TMPRSS6: variants seen among roughly 807,000 people sequenced by gnomAD.
The protein encoded by TMPRSS6 is transmembrane serine protease 6, also known as transmembrane protease serine 6.
TMPRSS6 carries 67 observed loss-of-function variants against 101.5 expected under a neutral mutation model. That is an observed-to-expected ratio of 0.66 (90% CI 0.54 to 0.81). The LOEUF is 0.81. Among genes scored for constraint, TMPRSS6 ranks in the 30% least tolerant of loss-of-function variants. The pLI is 0.00. For synonymous variants in TMPRSS6, 453 were observed against 464.9 expected (o/e 0.97, Z 0.33); for missense variants, 1,034 against 1,088.7 (o/e 0.95, Z 0.71).
intron 10 of TMPRSS6, among the ~76,000 whole-genome samples, chr22:37,078,650 T>G (rs1927885072): frequency 6.6e-6 from 1 of 151,486 alleles, no homozygotes; most frequent in Non-Finnish European, 1.5e-5. Flanking sequence ...TAATTTCACA[T>G]AATAATCCAG....
Position 37,071,097 on chromosome 22 carries a change from A to T in TMPRSS6, c.1556-65T>A. ...TCTCTGAGCCCCAAGGAAACCTTCC[A>T]AAGTGGGGTGCAGGAACGATGGAGC... On this transcript the variant is annotated intron_variant, in intron 13 of 17. Coordinates refer to ENST00000676104, the MANE Select transcript of TMPRSS6 (RefSeq NM_001374504.1). The T allele has an allele frequency of 2.1e-6, 3 of 1,458,662 alleles. No homozygotes were observed. The South Asian group carries it at 3.4e-5, about 17-fold the overall frequency. The allele number at this position is 1,458,662 out of a possible 1,614,324, so 90.4% of individuals were successfully genotyped here. A position where few individuals can be genotyped will look rare whatever the true frequency, so the allele number is the denominator to read the frequency against.
At position 37,086,323 on chromosome 22, in the gene TMPRSS6, G is replaced by A. The variant is rs141319169; in HGVS notation, c.933C>T (p.Tyr311=). Residue 311 remains tyrosine, a synonymous_variant, in exon 8 of 18, where the codon TAC becomes TAT. Transcript: ENST00000676104. ...GCTGCACGGAGAGCACGAAGGGGTC[G>A]TAGTAGCTGTGCAGGCCCTTCTTCC... The part of the protein sequence containing the change: ...VVWKKGLHSY[Y]DPFVLSVQPV... 1.7e-4 allele frequency: 277 copies of A among 1,614,124 alleles called. 2 individuals are homozygous for A. The highest frequency in any genetic ancestry group is 2.8e-4 in the African/African-American group (21 of 75,028).
rs1352597391 is a variant in TMPRSS6 at position 37,095,590 on chromosome 22, C to CT, written c.591dup (p.Ala198SerfsTer33). 2.5e-6 allele frequency: 4 copies of CT among 1,604,976 alleles called. No individual in the cohort carries two copies. Among genetic ancestry groups the CT allele is most frequent in the Non-Finnish European group, 3.4e-6 (4 of 1,176,742 alleles). On this transcript the variant is annotated frameshift_variant and splice_region_variant, in exon 6 of 18. Coordinates refer to ENST00000676104, the MANE Select transcript of TMPRSS6 (RefSeq NM_001374504.1). LOFTEE classifies it high-confidence loss of function. ...AATGCAGCTATGTCTTTCACACTGG[C>CT]TTCTGATAAAAGGAAATGAACAAAC...
At chr22:37,072,339 TGATGGATG>T (rs1247055865) in intron 13 of TMPRSS6, among the ~76,000 whole-genome samples, 3 of 129,530 alleles carry the variant, frequency 2.3e-5, no homozygotes, top group South Asian at 2.6e-4. Flanking sequence ...AATGGATGGA[TGATGGATG>T]GATGGATGGA....
At chr22:37,082,876 AG>A (rs1928377197) in intron 10 of TMPRSS6, 15 of 439,096 alleles carry the variant, frequency 3.4e-5, no homozygotes, top group South Asian at 2.0e-4. Flanking sequence ...TTTTAATCCT[AG>A]TCCCAGATAA....
chr22:37,072,759 AGATGGATGATGGATG>A (rs1927209412), intron 13 of TMPRSS6, among the ~76,000 whole-genome samples: 1 of 58,880 alleles, frequency 1.7e-5, no homozygotes, highest in Non-Finnish European at 3.5e-5. Context: ...ATGGATGGAT[AGATGGATGATGGATG>A]GATGGATGAT....
chr22:37,103,701 C>T lies in TMPRSS6; in HGVS notation c.-1-283G>A, dbSNP rs1049945724. 26 of 1,033,060 alleles carry T rather than the reference C, an allele frequency of 2.5e-5. No homozygotes were observed. The highest frequency in any genetic ancestry group is 7.7e-5 in the Admixed American group (4 of 52,092). The allele number at this position is 1,033,060 out of a possible 1,614,324, so 64.0% of individuals were successfully genotyped here. A position where few individuals can be genotyped will look rare whatever the true frequency, so the allele number is the denominator to read the frequency against. On this transcript the variant is annotated intron_variant, in intron 1 of 17. Transcript: ENST00000676104. The surrounding 1 kb of genome is among the most constrained non-coding windows in gnomAD (Gnocchi z 4.4). ...GGCTTCCCTATGGTCAGAGGACAGA[C>T]GGAGGTCTCAGTACCTAAACACCCA...
chr22:37,085,120 C>T (rs768800038), intron 8 of TMPRSS6, among the ~76,000 whole-genome samples: 1 of 152,208 alleles, frequency 6.6e-6, no homozygotes, highest in Admixed American at 6.5e-5. Flanking sequence ...ATTTGCGGGA[C>T]AGCACTCGCC....
chr22:37,066,267 A>G lies in TMPRSS6; in HGVS notation c.2251-29T>C, dbSNP rs369172236. 5.7e-6 allele frequency: 9 copies of G among 1,586,792 alleles called. No homozygotes were observed. In the South Asian group the frequency reaches 6.8e-5, roughly 12 times the overall value. On this transcript the variant is annotated intron_variant, in intron 17 of 17. Transcript: ENST00000676104. The stretch of plus-strand genomic sequence containing the variant: ...AAAGGGGGAAAGGAGAAAGGACTGA[A>G]GCAGGGTAAGGGCACCCCCTTTTCC...
chr22:37,089,506 G>A lies in TMPRSS6; in HGVS notation c.836+72C>T, dbSNP rs116392798. The A allele has an allele frequency of 6.8e-4, 967 of 1,425,284 alleles. 3 individuals are homozygous for A. In the African/African-American group the frequency reaches 0.012, roughly 18 times the overall value. The allele number at this position is 1,425,284 out of a possible 1,614,324, so 88.3% of individuals were successfully genotyped here. ...CCTCCCTTGTCTAAGAATGCTGTGT[G>A]TGACTTTCAACTCCCCCATCAACCA... is the stretch of plus-strand genomic sequence containing the variant. On this transcript the variant is annotated intron_variant, in intron 7 of 17. Coordinates refer to ENST00000676104, the MANE Select transcript of TMPRSS6 (RefSeq NM_001374504.1).
intron 1 of TMPRSS6, among the ~76,000 whole-genome samples, chr22:37,105,067 G>C (rs1286658523): frequency 1.3e-5 from 2 of 152,208 alleles, no homozygotes; most frequent in African/African-American, 4.8e-5. Flanking sequence ...CAAAAACGGG[G>C]CTCTTTAGTA....
intron 1 of TMPRSS6, among the ~76,000 whole-genome samples, chr22:37,107,408 TC>T (rs1930780881): frequency 6.6e-6 from 1 of 151,362 alleles, no homozygotes. Flanking sequence ...ATACAACGGC[TC>T]CCCCATTCCC....
intron 12 of TMPRSS6, among the ~76,000 whole-genome samples, 197 bp downstream of exon 12, chr22:37,074,413 C>T (rs560662341): frequency 1.1e-4 from 16 of 152,284 alleles, no homozygotes; most frequent in African/African-American, 2.9e-4. Context: ...CACTGTCCCA[C>T]GAGGTGGTCT....
intron 6 of TMPRSS6, among the ~76,000 whole-genome samples, chr22:37,095,337 A>T (rs1929648010): frequency 6.6e-6 from 1 of 152,036 alleles, no homozygotes; most frequent in Admixed American, 6.5e-5. Flanking sequence ...ACACACACAA[A>T]TACACGCATG....
At position 37,066,226 on chromosome 22, in the gene TMPRSS6, C is replaced by T; in HGVS notation, c.2263G>A (p.Gly755Ser). Residue 755 changes from glycine (G) to serine (S), a missense_variant, in exon 18 of 18, where the codon GGT becomes AGT. By Grantham distance (56) the Gly-to-Ser change is moderately conservative (BLOSUM62 0). Coordinates refer to ENST00000676104, the MANE Select transcript of TMPRSS6 (RefSeq NM_001374504.1). Reference sequence around the variant, plus strand: ...CTGAGTGCCTTGCACACCAGCGGACCACCTGAGTCACCCTGAAAGGGGGAA... The same window carrying T: ...CTGAGTGCCTTGCACACCAGCGGACTACCTGAGTCACCCTGAAAGGGGGAA... Reference protein sequence around the residue: ...KKDACQGDSGGPLVCKALSGR... With the variant: ...KKDACQGDSGSPLVCKALSGR... The T allele has an allele frequency of 6.2e-7, 1 of 1,611,394 alleles. No homozygotes were observed. The highest frequency in any genetic ancestry group is 8.5e-7 in the Non-Finnish European group (1 of 1,178,942).
chr22:37,083,932 C>T, intron 10 of TMPRSS6: 2 of 516,636 alleles, frequency 3.9e-6, no homozygotes, highest in Non-Finnish European at 6.8e-6. Flanking sequence ...CACCAAAGTG[C>T]CCATGAGTCC....
rs1158494260 is a variant in TMPRSS6, at chr22:37,066,757, G to A, written c.2250+69C>T. ...TTCAGCAGGCTGATGTGAGCAAAGG[G>A]CCAGACCCTGGTGATGTGGGCAGCA... is the stretch of plus-strand genomic sequence containing the variant. On this transcript the variant is annotated intron_variant, in intron 17 of 17. Coordinates refer to ENST00000676104, the MANE Select transcript of TMPRSS6 (RefSeq NM_001374504.1). 3.7e-6 allele frequency: 6 copies of A among 1,605,958 alleles called. No individual in the cohort carries two copies. In the Middle Eastern group the frequency reaches 8.5e-4, roughly 228 times the overall value.
chr22:37,065,991 C>G lies in TMPRSS6; in HGVS notation c.*89G>C. The G allele has an allele frequency of 6.4e-7, 1 of 1,573,938 alleles. No individual in the cohort carries two copies. Among genetic ancestry groups the G allele is most frequent in the Non-Finnish European group, 8.7e-7 (1 of 1,148,184 alleles). On this transcript the variant is annotated 3_prime_UTR_variant, in exon 18 of 18. Coordinates refer to ENST00000676104, the MANE Select transcript of TMPRSS6 (RefSeq NM_001374504.1). Reference sequence around the variant, plus strand: ...ACAGGGCCTGCTCTCTCCCCCACCCCCCGCCAGAATACTTGTCCCCCTGCT... The same window carrying G: ...ACAGGGCCTGCTCTCTCCCCCACCCGCCGCCAGAATACTTGTCCCCCTGCT...
chr22:37,094,386 G>A, intron 6 of TMPRSS6, among the ~76,000 whole-genome samples: 1 of 99,096 alleles, frequency 1.0e-5, no homozygotes, highest in South Asian at 3.5e-4. Flanking sequence ...ATTGATGATA[G>A]ATAGATAGAT....
Sources: gnomAD v4.1 joint callset for allele counts (sites outside exome capture counted in the v4.1 genomes callset) on GRCh38, gnomAD v4.1.1 for gene constraint, Gnocchi (gnomAD v3.1) non-coding constraint, MANE v1.5 for transcripts, NCBI Gene and HGNC (gene_info 2026-07-23, HGNC 2026-07-21) for gene names.